ATG10: variants seen among roughly 807,000 people sequenced by gnomAD.
The protein encoded by ATG10 is ubiquitin-like-conjugating enzyme ATG10.
ATG10 carries 30 observed loss-of-function variants against 32.1 expected under a neutral mutation model. That is an observed-to-expected ratio of 0.94 (90% CI 0.70 to 1.27). ATG10 has a LOEUF of 1.27. ATG10 is among the 50% of genes most tolerant of loss of function. ATG10 has a pLI of 0.00. For synonymous variants in ATG10, 87 were observed against 91.5 expected (o/e 0.95, Z 0.28); for missense variants, 233 against 262.3 (o/e 0.89, Z 0.77).
chr5:82,010,070 G>A (rs780160240), intron 2 of ATG10: 2 of 1,609,588 alleles, frequency 1.2e-6, no homozygotes, highest in Non-Finnish European at 8.5e-7. Flanking sequence ...CGGCAATGTC[G>A]AAGAACACGG....
intron 3 of ATG10, among the ~76,000 whole-genome samples, chr5:82,064,515 T>G (rs1763880413): frequency 6.6e-6 from 1 of 152,098 alleles, no homozygotes; most frequent in Admixed American, 6.5e-5. Flanking sequence ...GATGAAATAT[T>G]AGATTAATTT....
intron 2 of ATG10, among the ~76,000 whole-genome samples, chr5:82,026,212 A>G (rs1178492973): frequency 6.6e-6 from 1 of 152,182 alleles, no homozygotes; most frequent in Non-Finnish European, 1.5e-5. Context: ...TACTTTCGGT[A>G]ACTCATATAA....
At chr5:82,030,067 C>G (rs1034366058) in intron 2 of ATG10, among the ~76,000 whole-genome samples, 1 of 152,158 alleles carries the variant, frequency 6.6e-6, no homozygotes, top group African/African-American at 2.4e-5. Flanking sequence ...CACCACTGGT[C>G]TCAAGGCAGG....
In ATG10 at chr5:81,979,037, C is replaced by T. The variant is rs183918947; in HGVS notation, c.-13+6731C>T. ...GCCTCAGCCTCTGGAGTAGCTGGGA[C>T]TACAGGTGCACATCACTGCACCTGG... On this transcript the variant is annotated intron_variant, in intron 1 of 7. Transcript: ENST00000282185. 1.6e-4 allele frequency among the ~76,000 whole-genome samples: 24 copies of T among 151,998 alleles called. No individual in the cohort carries two copies. The East Asian group carries it at 4.7e-3, about 30-fold the overall frequency.
intron 3 of ATG10, among the ~76,000 whole-genome samples, chr5:82,089,224 C>T (rs984802495): frequency 4.6e-5 from 7 of 151,952 alleles, no homozygotes; most frequent in African/African-American, 1.7e-4. Flanking sequence ...TGCCTGAAAT[C>T]CCAGCTACTC....
intron 2 of ATG10, among the ~76,000 whole-genome samples, chr5:82,000,232 A>G (rs1245802232): frequency 1.3e-5 from 2 of 152,200 alleles, no homozygotes; most frequent in African/African-American, 4.8e-5. Flanking sequence ...TGATTATCTC[A>G]ATAGATGCAG....
At chr5:82,066,010 C>G (rs1311192655) in intron 3 of ATG10, among the ~76,000 whole-genome samples, 2 of 151,624 alleles carry the variant, frequency 1.3e-5, no homozygotes, top group African/African-American at 4.8e-5. Flanking sequence ...CAGCACTCAT[C>G]CACTCAGTAA....
At chr5:81,982,132 C>T (rs552750274) in intron 1 of ATG10, among the ~76,000 whole-genome samples, 1 of 152,336 alleles carries the variant, frequency 6.6e-6, no homozygotes, top group African/African-American at 2.4e-5. Context: ...CACAACTCTT[C>T]AGCCAGAGTA....
At chr5:82,033,633 A>C (rs1411416638) in intron 2 of ATG10, among the ~76,000 whole-genome samples, 2 of 151,808 alleles carry the variant, frequency 1.3e-5, no homozygotes, top group Non-Finnish European at 2.9e-5. Flanking sequence ...ACAACTAGAC[A>C]TTGGAGTGCA....
chr5:82,118,417 T>TATATATATATATATTATATGTATGTA (rs1472778722), intron 3 of ATG10, among the ~76,000 whole-genome samples: 1 of 141,206 alleles, frequency 7.1e-6, no homozygotes. Context: ...TATGTATATA[T>TATATATATATATATTATATGTATGTA]TCCCTAGCAC....
At chr5:82,195,748 A>G (rs1445336131) in intron 5 of ATG10, among the ~76,000 whole-genome samples, 1 of 152,228 alleles carries the variant, frequency 6.6e-6, no homozygotes, top group Non-Finnish European at 1.5e-5. Context: ...ATTCCATTAT[A>G]ATAGATATAT....
chr5:82,131,157 A>G (rs190568814), intron 3 of ATG10, among the ~76,000 whole-genome samples: 7 of 152,282 alleles, frequency 4.6e-5, no homozygotes, highest in African/African-American at 1.4e-4. Context: ...AAATCCCAGC[A>G]TCAGACAATA....
intron 5 of ATG10, among the ~76,000 whole-genome samples, chr5:82,237,762 C>T (rs1746624588): frequency 6.6e-6 from 1 of 152,130 alleles, no homozygotes. Context: ...CACAACCAGC[C>T]TATCATATAT....
At chr5:82,016,669 G>T (rs1163920858) in intron 2 of ATG10, among the ~76,000 whole-genome samples, 2 of 151,520 alleles carry the variant, frequency 1.3e-5, no homozygotes, top group East Asian at 1.9e-4. Context: ...ATTGCTTTTG[G>T]CAGTGTGGTC....
At chr5:82,216,022 G>A (rs988006550) in intron 5 of ATG10, among the ~76,000 whole-genome samples, 3 of 152,040 alleles carry the variant, frequency 2.0e-5, no homozygotes, top group African/African-American at 7.2e-5. Flanking sequence ...GGAGTGTATT[G>A]CAGCAGGCTT....
chr5:82,185,435 C>T (rs1744411067), intron 5 of ATG10, among the ~76,000 whole-genome samples: 1 of 152,056 alleles, frequency 6.6e-6, no homozygotes, highest in Admixed American at 6.5e-5. Flanking sequence ...GTATTTAATA[C>T]TATATAAGAG....
intron 2 of ATG10, among the ~76,000 whole-genome samples, chr5:82,017,418 C>T (rs1156642247): frequency 6.6e-6 from 1 of 152,134 alleles, no homozygotes; most frequent in Non-Finnish European, 1.5e-5. Context: ...TCTGATTGCT[C>T]TGACTAGGAC....
chr5:81,993,690 T>A (rs1380872553), intron 2 of ATG10, among the ~76,000 whole-genome samples: 1 of 152,014 alleles, frequency 6.6e-6, no homozygotes, highest in Non-Finnish European at 1.5e-5. Flanking sequence ...CTTCCCAAAG[T>A]ACTGGGATTA....
At chr5:82,202,302 C>T (rs1380650660) in intron 5 of ATG10, among the ~76,000 whole-genome samples, 1 of 151,968 alleles carries the variant, frequency 6.6e-6, no homozygotes, top group Admixed American at 6.6e-5. Flanking sequence ...TTGAGTAAAG[C>T]ATATTGATGG....
Sources: allele counts gnomAD v4.1 joint callset (sites outside exome capture counted in the v4.1 genomes callset), GRCh38; gene constraint gnomAD v4.1.1; transcripts MANE v1.5; gene names NCBI Gene and HGNC (gene_info 2026-07-23, HGNC 2026-07-21).